Variants in PEX5L observed in about 807,000 individuals in gnomAD.
The protein encoded by PEX5L is PEX5-related protein.
Under a neutral mutation model 84.0 loss-of-function variants are expected in PEX5L, and 30 were observed. That is an observed-to-expected ratio of 0.36 (90% CI 0.27 to 0.48). The LOEUF (loss-of-function observed/expected upper bound fraction) is 0.48. Ranked by LOEUF, PEX5L falls within the 20% of genes least tolerant of loss-of-function variation. The pLI, the probability that PEX5L is intolerant of heterozygous loss-of-function variation, is 0.99. For synonymous variants in PEX5L, 270 were observed against 283.1 expected (o/e 0.95, Z 0.46); for missense variants, 533 against 754.6 (o/e 0.71, Z 3.44).
chr3:179,887,645 G>A, intron 4 of PEX5L, 28 bp downstream of exon 4: 1 of 1,342,384 alleles, frequency 7.4e-7, no homozygotes, highest in East Asian at 2.3e-5. Flanking sequence ...AACTCTAGTT[G>A]AGGAACAGTT....
intron 2 of PEX5L, among the ~76,000 whole-genome samples, chr3:179,908,712 T>G (rs1764124192): frequency 6.6e-6 from 1 of 150,550 alleles, no homozygotes; most frequent in Admixed American, 6.6e-5. Flanking sequence ...AGTGAGAATA[T>G]GTGGTGTTTG....
chr3:179,851,095 G>T (rs1158811375), intron 8 of PEX5L, among the ~76,000 whole-genome samples: 1 of 152,148 alleles, frequency 6.6e-6, no homozygotes, highest in African/African-American at 2.4e-5. Flanking sequence ...CACTGAAGCT[G>T]GGTTTAGCTG....
chr3:179,987,703 G>C (rs904441542), intron 1 of PEX5L, among the ~76,000 whole-genome samples: 2 of 152,204 alleles, frequency 1.3e-5, no homozygotes, highest in African/African-American at 4.8e-5. Flanking sequence ...CTCAGGTGCT[G>C]CTAAGTAACT....
chr3:179,917,936 G>A (rs915507068), intron 2 of PEX5L, among the ~76,000 whole-genome samples: 2 of 152,208 alleles, frequency 1.3e-5, no homozygotes, highest in East Asian at 1.9e-4. Context: ...TGGGATTAAA[G>A]GTGTGAGCCA....
chr3:180,023,586 C>T (rs1198077118), intron 1 of PEX5L, among the ~76,000 whole-genome samples: 1 of 152,068 alleles, frequency 6.6e-6, no homozygotes, highest in Non-Finnish European at 1.5e-5. Flanking sequence ...TGTATTGTAT[C>T]ACTAATTAGA....
At chr3:179,994,226 C>G (rs908487003) in intron 1 of PEX5L, among the ~76,000 whole-genome samples, 4 of 152,166 alleles carry the variant, frequency 2.6e-5, no homozygotes, top group African/African-American at 9.7e-5. Context: ...CCAGCCATCC[C>G]ATAGATAAAT....
At chr3:180,023,216 A>G (rs1410623616) in intron 1 of PEX5L, among the ~76,000 whole-genome samples, 1 of 152,196 alleles carries the variant, frequency 6.6e-6, no homozygotes, top group East Asian at 1.9e-4. Flanking sequence ...CTTTATCAGC[A>G]TGACAGAGAT....
At chr3:179,889,802 A>G (rs957565810) in intron 3 of PEX5L, among the ~76,000 whole-genome samples, 8 of 152,174 alleles carry the variant, frequency 5.3e-5, no homozygotes, top group African/African-American at 1.9e-4. Context: ...TGAGCTGCCT[A>G]TGTTTCAGGA....
intron 1 of PEX5L, among the ~76,000 whole-genome samples, chr3:179,989,831 A>T (rs565641308): frequency 1.3e-5 from 2 of 152,350 alleles, no homozygotes; most frequent in South Asian, 4.1e-4. Context: ...TATCAATTCA[A>T]ATGATAAAAG....
At position 179,944,420 on chromosome 3, in the gene PEX5L, A is replaced by G. The variant is rs530599211; in HGVS notation, c.93+27174T>C. On this transcript the variant is annotated intron_variant, in intron 2 of 14. Transcript: ENST00000467460. ...ACTCAAGCAGTTTCCTTAACCTCTC[A>G]GTCTTACAGCTCACCATTTATGATA... Among the ~76,000 whole-genome samples, 4 of 152,308 alleles carry G rather than the reference A, an allele frequency of 2.6e-5. No homozygotes were observed. The East Asian group carries it at 7.7e-4, about 29-fold the overall frequency.
At chr3:179,943,767 C>A (rs912630801) in intron 2 of PEX5L, among the ~76,000 whole-genome samples, 1 of 152,178 alleles carries the variant, frequency 6.6e-6, no homozygotes, top group African/African-American at 2.4e-5. Flanking sequence ...TCAAGTCAGA[C>A]AAAGGTCTCT....
At chr3:179,872,602 C>T (rs1452643399) in intron 7 of PEX5L, among the ~76,000 whole-genome samples, 1 of 152,164 alleles carries the variant, frequency 6.6e-6, no homozygotes, top group Admixed American at 6.5e-5. Flanking sequence ...CGAAATCAGA[C>T]AACCAGCAGG....
intron 7 of PEX5L, among the ~76,000 whole-genome samples, chr3:179,867,078 T>G (rs554270740): frequency 6.7e-6 from 1 of 148,350 alleles, no homozygotes; most frequent in Non-Finnish European, 1.5e-5. Context: ...ACACAAAAAC[T>G]GTCCCTTGTA....
chr3:179,823,246 T>C (rs1729150369), intron 8 of PEX5L, among the ~76,000 whole-genome samples: 1 of 152,202 alleles, frequency 6.6e-6, no homozygotes, highest in Non-Finnish European at 1.5e-5. Context: ...CATTTAAATC[T>C]TTCCCTTCCA....
chr3:179,989,168 C>A (rs1017688157), intron 1 of PEX5L, among the ~76,000 whole-genome samples: 2 of 152,166 alleles, frequency 1.3e-5, no homozygotes, highest in East Asian at 3.8e-4. Flanking sequence ...TATAGGCAGA[C>A]AGGGACCATG....
At chr3:179,976,506 C>T (rs34465980) in intron 1 of PEX5L, among the ~76,000 whole-genome samples, 4 of 152,012 alleles carry the variant, frequency 2.6e-5, no homozygotes, top group Admixed American at 6.6e-5. Context: ...GATGTGATTT[C>T]GGCTCACTGC....
At chr3:179,919,239 CTTAAG>C (rs1768372653) in intron 2 of PEX5L, among the ~76,000 whole-genome samples, 1 of 152,282 alleles carries the variant, frequency 6.6e-6, no homozygotes, top group East Asian at 1.9e-4. Flanking sequence ...TTTAATAATA[CTTAAG>C]TTAAAGTGGC....
At chr3:179,944,558 A>G (rs1337945039) in intron 2 of PEX5L, among the ~76,000 whole-genome samples, 1 of 152,216 alleles carries the variant, frequency 6.6e-6, no homozygotes, top group East Asian at 1.9e-4. Flanking sequence ...TCAGTTTCCC[A>G]TTCTCATCCC....
At chr3:179,993,100 A>G (rs1432716051) in intron 1 of PEX5L, among the ~76,000 whole-genome samples, 1 of 152,172 alleles carries the variant, frequency 6.6e-6, no homozygotes, top group Non-Finnish European at 1.5e-5. Flanking sequence ...AAAGAAGGAA[A>G]GAAAGAAAAA....
Sources: allele counts gnomAD v4.1 joint callset (sites outside exome capture counted in the v4.1 genomes callset), GRCh38; gene constraint gnomAD v4.1.1; transcripts MANE v1.5; gene names NCBI Gene and HGNC (gene_info 2026-07-23, HGNC 2026-07-21).